BEGAIN: variants seen among roughly 807,000 people sequenced by gnomAD.
The protein encoded by BEGAIN is brain-enriched guanylate kinase-associated protein.
Under a neutral mutation model 35.8 loss-of-function variants are expected in BEGAIN, and 19 were observed. That is an observed-to-expected ratio of 0.53 (90% CI 0.37 to 0.78). The LOEUF (loss-of-function observed/expected upper bound fraction) is 0.78. Among genes scored for constraint, BEGAIN ranks in the 30% least tolerant of loss-of-function variants. The probability of loss-of-function intolerance (pLI) is 0.00; values close to 1 mark genes in which losing one functional copy is unlikely to be tolerated. For synonymous variants in BEGAIN, 462 were observed against 388.6 expected (o/e 1.19, Z -2.22); for missense variants, 795 against 853.6 (o/e 0.93, Z 0.85).
chr14:100,566,879 C>G (rs983947952), intron 2 of BEGAIN, among the ~76,000 whole-genome samples: 1 of 152,170 alleles, frequency 6.6e-6, no homozygotes, highest in Non-Finnish European at 1.5e-5. Flanking sequence ...TCTGTGTGAG[C>G]CCACCTGCCC....
In BEGAIN at chr14:100,546,587, G is replaced by A. The variant is rs541271514; in HGVS notation, c.147C>T (p.Thr49=). The A allele has an allele frequency of 1.3e-6, 2 of 1,592,430 alleles. No homozygotes were observed. Among genetic ancestry groups the A allele is most frequent in the Admixed American group, 1.7e-5 (1 of 58,200 alleles). ...YTTHKLEKLE[T]EFDSTRHYLE... is the part of the protein sequence containing the mutation. ...GGTAGTGGCGCGTGGAGTCGAACTC[G>A]GTCTCGAGCTTCTCGAGCTTGTGTG... is the stretch of plus-strand genomic sequence containing the variant. The change falls in exon 3 of 7, where the codon ACC becomes ACT. Residue 49 remains threonine, a synonymous_variant. Coordinates refer to ENST00000554140, the MANE Select transcript of BEGAIN (RefSeq NM_001385089.1).
chr14:100,543,788 G>A (rs753817295), intron 5 of BEGAIN, 70 bp downstream of exon 5: 31 of 1,232,946 alleles, frequency 2.5e-5, no homozygotes, highest in Non-Finnish European at 3.4e-5. Flanking sequence ...GTGACTCCCA[G>A]TGCATCCTGG....
intron 5 of BEGAIN, among the ~76,000 whole-genome samples, chr14:100,541,518 C>T (rs79188205): frequency 0.054 from 8,279 of 152,338 alleles, 762 homozygotes; most frequent in African/African-American, 0.19. Context: ...TGGAGGGCGT[C>T]GGAGTCGCCA....
rs771538241 is a variant in BEGAIN, at chr14:100,537,948, G to A, written c.*21C>T. Reference sequence around the variant, plus strand: ...GTGGGCTGGCGGGGAGCGAACCACGGCCAGGCCTGCACGCAGGCGCTCAGT... The same window carrying A: ...GTGGGCTGGCGGGGAGCGAACCACGACCAGGCCTGCACGCAGGCGCTCAGT... On this transcript the variant is annotated 3_prime_UTR_variant, in exon 7 of 7. Coordinates refer to ENST00000554140, the MANE Select transcript of BEGAIN (RefSeq NM_001385089.1). 3 of 1,589,798 alleles carry A rather than the reference G, an allele frequency of 1.9e-6. No homozygotes were observed. In the Admixed American group the frequency reaches 5.2e-5, roughly 28 times the overall value.
In BEGAIN at chr14:100,538,602, C is replaced by T. The variant is rs757439041; in HGVS notation, c.1206G>A (p.Pro402=). The change falls in exon 7 of 7, where the codon CCG becomes CCA. Residue 402 remains proline (P), a synonymous_variant. Transcript: ENST00000554140. ...GGGCCTGCTGGGGACCCGGAGAGGC[C>T]GGGAAGCGGAAGGTCTCGGCCGGGT... ...SPYPAETFRF[P]ASPGPQQALM... 4 of 1,548,488 alleles carry T rather than the reference C, an allele frequency of 2.6e-6. No homozygotes were observed. Among genetic ancestry groups the T allele is most frequent in the South Asian group, 1.2e-5 (1 of 83,184 alleles).
rs1255415842 is a variant in BEGAIN at position 100,568,057 on chromosome 14, A to G, written c.43-118T>C. 2.0e-5 allele frequency: 22 copies of G among 1,112,250 alleles called. No homozygotes were observed. The highest frequency in any genetic ancestry group is 2.2e-5 in the Non-Finnish European group (20 of 911,088). 68.9% of individuals were successfully genotyped at this position (1,112,250 alleles called of 1,614,324 possible). On this transcript the variant is annotated intron_variant, in intron 1 of 6. Coordinates refer to ENST00000554140, the MANE Select transcript of BEGAIN (RefSeq NM_001385089.1). The surrounding 1 kb of genome is among the most constrained non-coding windows in gnomAD (Gnocchi z 7.5). ...AACCCCGCGGGGCCCCGTCCGTGGGAAGCCCGGCGCCGCGCGTCCCCAGCT... is the reference window on the plus strand; with the variant it reads ...AACCCCGCGGGGCCCCGTCCGTGGGGAGCCCGGCGCCGCGCGTCCCCAGCT...
chr14:100,566,305 C>A (rs2034677115), intron 2 of BEGAIN, among the ~76,000 whole-genome samples: 1 of 152,248 alleles, frequency 6.6e-6, no homozygotes, highest in African/African-American at 2.4e-5. Context: ...ACCTGGCACA[C>A]CTGCCTACCT....
At chr14:100,562,061 G>T (rs1344624985) in intron 2 of BEGAIN, among the ~76,000 whole-genome samples, 1 of 152,176 alleles carries the variant, frequency 6.6e-6, no homozygotes, top group Non-Finnish European at 1.5e-5. Flanking sequence ...TAGTCCATAA[G>T]ACTTCCTCTA....
In BEGAIN at chr14:100,538,721, C is replaced by G; in HGVS notation, c.1087G>C (p.Glu363Gln). ...FDRKPPATTY[E>Q]GSPRFAKATA... is the part of the protein sequence containing the mutation. ...GCCTTGGCAAAGCGAGGGCTGCCCTCGTAGGTGGTGGCGGGTGGCTTGCGG... is the reference window on the plus strand; with the variant it reads ...GCCTTGGCAAAGCGAGGGCTGCCCTGGTAGGTGGTGGCGGGTGGCTTGCGG... The change falls in exon 7 of 7, where the codon GAG (glutamate) becomes CAG (glutamine). Residue 363 changes from glutamate to glutamine, a missense_variant. Glu to Gln is a conservative substitution (Grantham distance 29, BLOSUM62 2). Around this residue, in one of 3 missense-constraint regions of BEGAIN, gnomAD observed 664 missense variants for 647.7 expected, o/e 1.03. Coordinates refer to ENST00000554140, the MANE Select transcript of BEGAIN (RefSeq NM_001385089.1). 2 of 1,566,680 alleles carry G rather than the reference C, an allele frequency of 1.3e-6. No homozygotes were observed. The highest frequency in any genetic ancestry group is 2.3e-5 in the South Asian group (2 of 85,388).
chr14:100,542,649 C>T (rs1042471635), intron 5 of BEGAIN, among the ~76,000 whole-genome samples: 5 of 152,368 alleles, frequency 3.3e-5, no homozygotes, highest in Middle Eastern at 3.4e-3. Context: ...TTCTAACAAC[C>T]CACATCCTAA....
chr14:100,582,327 T>G (rs2035336342), intron 1 of BEGAIN, among the ~76,000 whole-genome samples: 1 of 152,142 alleles, frequency 6.6e-6, no homozygotes, highest in Non-Finnish European at 1.5e-5. Flanking sequence ...GTATTTTTAG[T>G]AGAGATGGGG....
At position 100,567,354 on chromosome 14, in the gene BEGAIN, C is replaced by T. The variant is rs1346242619; in HGVS notation, c.71+557G>A. 1.3e-5 allele frequency among the ~76,000 whole-genome samples: 2 copies of T among 151,222 alleles called. No individual in the cohort carries two copies. Among genetic ancestry groups the T allele is most frequent in the Non-Finnish European group, 2.9e-5 (2 of 67,842 alleles). ...GGGGGACACTCCCCAGAAGCTGTCG[C>T]GGGATTCCCCCAAAATGGCTCCAAG... is the stretch of plus-strand genomic sequence containing the variant. On this transcript the variant is annotated intron_variant, in intron 2 of 6. Coordinates refer to ENST00000554140, the MANE Select transcript of BEGAIN (RefSeq NM_001385089.1). This position sits in a 1 kb window ranked among gnomAD's most constrained non-coding sequence, Gnocchi z 5.1.
At chr14:100,544,928 G>T in intron 4 of BEGAIN, 72 bp downstream of exon 4, 1 of 1,476,380 alleles carries the variant, frequency 6.8e-7, no homozygotes, top group Non-Finnish European at 9.4e-7. Flanking sequence ...GTGGCCCAGG[G>T]GTGTCAGCTG....
chr14:100,554,344 G>A (rs949938016), intron 2 of BEGAIN, among the ~76,000 whole-genome samples: 2 of 152,190 alleles, frequency 1.3e-5, no homozygotes, highest in Admixed American at 6.5e-5. Context: ...TGCCCCTGGC[G>A]TGTTGTGGGA....
At chr14:100,572,126 T>C (rs1486012663) in intron 1 of BEGAIN, among the ~76,000 whole-genome samples, 5 of 152,074 alleles carry the variant, frequency 3.3e-5, no homozygotes, top group African/African-American at 4.8e-5. Flanking sequence ...ACCATCCGCG[T>C]CCCTTCTTCA....
At chr14:100,572,332 T>G (rs1029593112) in intron 1 of BEGAIN, among the ~76,000 whole-genome samples, 1 of 152,198 alleles carries the variant, frequency 6.6e-6, no homozygotes, top group African/African-American at 2.4e-5. Flanking sequence ...CCGGCTGATT[T>G]CTGACACTGT....
rs548749854 is a variant in BEGAIN, at chr14:100,586,110, G to A, written c.42+1139C>T. ...CTGCTGGCAAGACCAAGGCCAGCCT[G>A]GCAGGGCTGCACACCGCAGTTTGTT... On this transcript the variant is annotated intron_variant, in intron 1 of 6. Coordinates refer to ENST00000554140, the MANE Select transcript of BEGAIN (RefSeq NM_001385089.1). This position sits in a 1 kb window ranked among gnomAD's most constrained non-coding sequence, Gnocchi z 4.9. Among the ~76,000 whole-genome samples the A allele has an allele frequency of 1.7e-4, 26 of 152,364 alleles. No homozygotes were observed. Among genetic ancestry groups the A allele is most frequent in the African/African-American group, 5.8e-4 (24 of 41,596 alleles).
rs2035454017 is a variant in BEGAIN at position 100,586,799 on chromosome 14, C to G, written c.42+450G>C. On this transcript the variant is annotated intron_variant, in intron 1 of 6. Coordinates refer to ENST00000554140, the MANE Select transcript of BEGAIN (RefSeq NM_001385089.1). This position sits in a 1 kb window ranked among gnomAD's most constrained non-coding sequence, Gnocchi z 4.9. ...CCGGGTCCAGCCTCCTTCCGGCTCCCGGGCCTTTCTCCGGCCTCCCAAGCA... is the reference window on the plus strand; with the variant it reads ...CCGGGTCCAGCCTCCTTCCGGCTCCGGGGCCTTTCTCCGGCCTCCCAAGCA... Among the ~76,000 whole-genome samples, 1 of 152,202 alleles carries G rather than the reference C, an allele frequency of 6.6e-6. No individual in the cohort carries two copies. Among genetic ancestry groups the G allele is most frequent in the African/African-American group, 2.4e-5 (1 of 41,460 alleles).
Position 100,563,390 on chromosome 14 carries a change from C to T in BEGAIN, c.71+4521G>A, listed in dbSNP as rs1321233078. On this transcript the variant is annotated intron_variant, in intron 2 of 6. Coordinates refer to ENST00000554140, the MANE Select transcript of BEGAIN (RefSeq NM_001385089.1). The surrounding 1 kb of genome is among the most constrained non-coding windows in gnomAD (Gnocchi z 4.2). ...TTAATCAGAAAGTGAAAAAACCTGACACATTCAACAAAATTAAAATTAAGA... is the reference window on the plus strand; with the variant it reads ...TTAATCAGAAAGTGAAAAAACCTGATACATTCAACAAAATTAAAATTAAGA... Among the ~76,000 whole-genome samples, 1 of 152,202 alleles carries T rather than the reference C, an allele frequency of 6.6e-6. No homozygotes were observed. Among genetic ancestry groups the T allele is most frequent in the Non-Finnish European group, 1.5e-5 (1 of 68,040 alleles).
Sources: allele counts gnomAD v4.1 joint callset (sites outside exome capture counted in the v4.1 genomes callset), GRCh38; gene constraint gnomAD v4.1.1; regional missense constraint gnomAD v4.1.1; non-coding constraint Gnocchi (gnomAD v3.1); transcripts MANE v1.5; gene names NCBI Gene and HGNC (gene_info 2026-07-23, HGNC 2026-07-21).